PRKCI: variants seen among roughly 807,000 people sequenced by gnomAD.
PRKCI encodes protein kinase C iota.
In PRKCI, 43 loss-of-function variants were observed where a neutral mutation model predicts 84.0. That is an observed-to-expected ratio of 0.51 (90% CI 0.40 to 0.66). The LOEUF is 0.66. Among genes scored for constraint, PRKCI ranks in the 30% least tolerant of loss-of-function variants. The pLI, the probability that PRKCI is intolerant of heterozygous loss-of-function variation, is 0.00. For synonymous variants in PRKCI, 216 were observed against 234.4 expected (o/e 0.92, Z 0.72); for missense variants, 459 against 745.6 (o/e 0.62, Z 4.48).
At chr3:170,242,465 CAAGAA>C (rs1220240273) in intron 2 of PRKCI, among the ~76,000 whole-genome samples, 3 of 147,164 alleles carry the variant, frequency 2.0e-5, no homozygotes, top group Non-Finnish European at 4.4e-5. Flanking sequence ...AAAGAAAAGA[CAAGAA>C]AAGAAAAAAT....
chr3:170,295,171 A>G (rs138304116), intron 14 of PRKCI, among the ~76,000 whole-genome samples: 151 of 152,076 alleles, frequency 9.9e-4, no homozygotes, highest in African/African-American at 3.5e-3. Flanking sequence ...AGATCGTGCC[A>G]CTGCACTCCA....
intron 11 of PRKCI, among the ~76,000 whole-genome samples, 177 bp downstream of exon 11, chr3:170,282,145 A>T (rs1182372643): frequency 6.6e-6 from 1 of 152,198 alleles, no homozygotes; most frequent in African/African-American, 2.4e-5. Flanking sequence ...ACAATTATAT[A>T]TTCTTTTACA....
At chr3:170,286,812 T>C (rs1330225436) in intron 12 of PRKCI, among the ~76,000 whole-genome samples, 1 of 110,006 alleles carries the variant, frequency 9.1e-6, no homozygotes, top group Non-Finnish European at 2.2e-5. Flanking sequence ...TTTTACTTTC[T>C]TTTTTTTTTT....
intron 2 of PRKCI, among the ~76,000 whole-genome samples, chr3:170,244,388 G>A (rs1023908323): frequency 6.6e-6 from 1 of 152,152 alleles, no homozygotes; most frequent in African/African-American, 2.4e-5. Context: ...AACTCAAAAT[G>A]TAGGGGTTCA....
At chr3:170,297,751 C>T (rs1180525619) in intron 16 of PRKCI, among the ~76,000 whole-genome samples, 4 of 151,888 alleles carry the variant, frequency 2.6e-5, no homozygotes, top group African/African-American at 2.4e-5. Context: ...CCACCACACC[C>T]GGCCTATCTC....
chr3:170,302,986 A>G (rs1734858007), intron 17 of PRKCI, 54 bp from the exon 18 acceptor site: 2 of 1,268,584 alleles, frequency 1.6e-6, no homozygotes, highest in East Asian at 4.8e-5. Context: ...TTACCATTTA[A>G]AGGTTGAAGA....
chr3:170,296,742 T>C (rs756454711), intron 15 of PRKCI, among the ~76,000 whole-genome samples: 16 of 151,900 alleles, frequency 1.1e-4, no homozygotes, highest in Non-Finnish European at 2.1e-4. Flanking sequence ...AGGCAAGAGG[T>C]GTTGATATGC....
At chr3:170,273,730 G>A (rs1031532505) in intron 7 of PRKCI, among the ~76,000 whole-genome samples, 2 of 151,554 alleles carry the variant, frequency 1.3e-5, no homozygotes, top group East Asian at 2.0e-4. Flanking sequence ...CGGGAAAATC[G>A]CTTGAACCCA....
intron 1 of PRKCI, among the ~76,000 whole-genome samples, chr3:170,229,533 G>C (rs1732732512): frequency 6.6e-6 from 1 of 152,190 alleles, no homozygotes; most frequent in South Asian, 2.1e-4. Context: ...CTGTGCTCAA[G>C]TGATTCTCCT....
At chr3:170,298,752 G>A (rs1168578539) in intron 16 of PRKCI, among the ~76,000 whole-genome samples, 2 of 152,120 alleles carry the variant, frequency 1.3e-5, no homozygotes, top group African/African-American at 2.4e-5. Context: ...TGTTGTCTGG[G>A]CTGGTCTTGA....
At chr3:170,265,513 G>A (rs1466067440) in intron 4 of PRKCI, among the ~76,000 whole-genome samples, 3 of 152,078 alleles carry the variant, frequency 2.0e-5, no homozygotes. Context: ...GTGGATATTA[G>A]GCAACTCATT....
intron 17 of PRKCI, among the ~76,000 whole-genome samples, chr3:170,300,301 C>T (rs116237316): frequency 0.017 from 2,535 of 152,306 alleles, 68 homozygotes; most frequent in African/African-American, 0.058. Flanking sequence ...GACCACCTTG[C>T]ATCTCAGAAT....
At chr3:170,250,441 C>CA (rs984498827) in intron 2 of PRKCI, among the ~76,000 whole-genome samples, 2 of 107,688 alleles carry the variant, frequency 1.9e-5, no homozygotes, top group Non-Finnish European at 3.8e-5. Context: ...AACCCCCCCC[C>CA]CCCAAAAAAA....
At position 170,272,825 on chromosome 3, in the gene PRKCI, T is replaced by G. The variant is rs536206662; in HGVS notation, c.592-461T>G. 3.6e-4 allele frequency among the ~76,000 whole-genome samples: 55 copies of G among 152,294 alleles called. No homozygotes were observed. In the East Asian group the frequency reaches 0.01, roughly 28 times the overall value. ...TAGAAAGTATTTCTTTTCTCTTTTTTGGGGCCACTGACACCCTTGAGAATC... is the reference window on the plus strand; with the variant it reads ...TAGAAAGTATTTCTTTTCTCTTTTTGGGGGCCACTGACACCCTTGAGAATC... On this transcript the variant is annotated intron_variant, in intron 6 of 17. Transcript: ENST00000295797.
At chr3:170,238,345 AGAGC>A (rs1027434008) in intron 2 of PRKCI, among the ~76,000 whole-genome samples, 22 of 151,994 alleles carry the variant, frequency 1.4e-4, no homozygotes, top group African/African-American at 5.1e-4. Context: ...CCTGGGCAAC[AGAGC>A]GAGACTCCAT....
intron 3 of PRKCI, among the ~76,000 whole-genome samples, chr3:170,261,302 T>C (rs1345791729): frequency 6.6e-6 from 1 of 151,816 alleles, no homozygotes; most frequent in East Asian, 1.9e-4. Flanking sequence ...TTGCAATATA[T>C]TGACAGTATT....
At position 170,267,638 on chromosome 3, in the gene PRKCI, A is replaced by G. The variant is rs1733895169; in HGVS notation, c.365-277A>G. Among the ~76,000 whole-genome samples, 3 of 142,132 alleles carry G rather than the reference A, an allele frequency of 2.1e-5. No homozygotes were observed. In the Admixed American group the frequency reaches 2.3e-4, roughly 11 times the overall value. 93.2% of individuals were successfully genotyped at this position (142,132 alleles called of 152,430 possible). A position where few individuals can be genotyped will look rare whatever the true frequency, so the allele number is the denominator to read the frequency against. On this transcript the variant is annotated intron_variant, in intron 4 of 17. Transcript: ENST00000295797. ...CAGTGAGCTGAGACTGTGCCACCGC[A>G]CTCCAGCCTGGGTGACAGAGCAAGA...
chr3:170,273,392 A>T, intron 7 of PRKCI, 52 bp downstream of exon 7: 1 of 1,539,320 alleles, frequency 6.5e-7, no homozygotes, highest in Non-Finnish European at 9.0e-7. Context: ...TAGCATGTAA[A>T]GACTTACTTA....
chr3:170,271,035 G>A (rs1231497296), intron 6 of PRKCI, among the ~76,000 whole-genome samples: 1 of 150,040 alleles, frequency 6.7e-6, no homozygotes, highest in Non-Finnish European at 1.5e-5. Flanking sequence ...AAACATGTTT[G>A]TTATCGAAAA....
Sources: allele counts gnomAD v4.1 joint callset (sites outside exome capture counted in the v4.1 genomes callset), GRCh38; gene constraint gnomAD v4.1.1; transcripts MANE v1.5; gene names NCBI Gene and HGNC (gene_info 2026-07-23, HGNC 2026-07-21).